Variants in RFX3 observed in about 807,000 individuals in gnomAD.
The protein encoded by RFX3 is transcription factor RFX3.
RFX3 carries 14 observed loss-of-function variants against 98.6 expected under a neutral mutation model. The ratio of observed to expected loss-of-function variants is 0.14; its 90% CI spans 0.09 to 0.22. RFX3 has a LOEUF of 0.22. Ranked by LOEUF, RFX3 falls within the 10% of genes least tolerant of loss-of-function variation. RFX3 has a pLI of 1.00. For missense variants in RFX3, 639 were observed against 926.9 expected, an observed-to-expected ratio of 0.69 and a Z score of 4.03; for synonymous variants, 383 against 328.4, an observed-to-expected ratio of 1.17 and a Z score of -1.80.
intron 1 of RFX3, chr9:3,469,291 ATTTTC>A: frequency 3.1e-6 from 1 of 320,950 alleles, no homozygotes; most frequent in Non-Finnish European, 6.4e-6. Flanking sequence ...CATATACATT[ATTTTC>A]TTTACCTACC....
intron 4 of RFX3, among the ~76,000 whole-genome samples, chr9:3,321,696 T>C (rs545789614): frequency 6.6e-6 from 1 of 152,216 alleles, no homozygotes; most frequent in African/African-American, 2.4e-5. Context: ...TGTTTTCACC[T>C]TTACATAACT....
At chr9:3,420,115 T>G (rs897198335) in intron 1 of RFX3, among the ~76,000 whole-genome samples, 4 of 152,188 alleles carry the variant, frequency 2.6e-5, no homozygotes. Context: ...CCTCCCAGCC[T>G]CCGACCATCC....
At chr9:3,329,205 G>C (rs922811781) in intron 4 of RFX3, among the ~76,000 whole-genome samples, 2 of 151,774 alleles carry the variant, frequency 1.3e-5, no homozygotes, top group Non-Finnish European at 2.9e-5. Flanking sequence ...TCAGGAGTTC[G>C]AGACCAGCCT....
At chr9:3,440,707 G>C (rs1226999763) in intron 1 of RFX3, among the ~76,000 whole-genome samples, 1 of 152,110 alleles carries the variant, frequency 6.6e-6, no homozygotes, top group Admixed American at 6.6e-5. Flanking sequence ...ATCCCAATAG[G>C]CTTTTTCACA....
At chr9:3,348,351 A>C (rs2131189400) in intron 2 of RFX3, among the ~76,000 whole-genome samples, 1 of 152,242 alleles carries the variant, frequency 6.6e-6, no homozygotes, top group African/African-American at 2.4e-5. Context: ...TGCAATGTTA[A>C]GTTTCACTAG....
At chr9:3,241,260 T>C (rs1819886578) in intron 15 of RFX3, among the ~76,000 whole-genome samples, 1 of 150,806 alleles carries the variant, frequency 6.6e-6, no homozygotes, top group Non-Finnish European at 1.5e-5. Flanking sequence ...AGAAATCTAA[T>C]GTATCAATCA....
At chr9:3,342,611 A>G (rs1408596848) in intron 3 of RFX3, among the ~76,000 whole-genome samples, 1 of 152,152 alleles carries the variant, frequency 6.6e-6, no homozygotes, top group Non-Finnish European at 1.5e-5. Context: ...ATGATGTAGG[A>G]GCGAGTGGGG....
intron 1 of RFX3, among the ~76,000 whole-genome samples, chr9:3,469,849 A>T (rs1177287954): frequency 6.6e-6 from 1 of 151,714 alleles, no homozygotes; most frequent in South Asian, 2.1e-4. Context: ...CCGTCTCAAA[A>T]AAAAAAAAAA....
intron 2 of RFX3, among the ~76,000 whole-genome samples, chr9:3,384,494 C>G (rs941110973): frequency 6.6e-6 from 1 of 152,068 alleles, no homozygotes; most frequent in Non-Finnish European, 1.5e-5. Flanking sequence ...TTTCCTCGCC[C>G]ATAAAAGGCA....
chr9:3,286,081 T>G (rs1826558858), intron 7 of RFX3, among the ~76,000 whole-genome samples: 1 of 151,866 alleles, frequency 6.6e-6, no homozygotes, highest in Admixed American at 6.6e-5. Context: ...TATAATTTAT[T>G]AAGTTTTTAT....
At chr9:3,501,854 GC>G in intron 1 of RFX3, among the ~76,000 whole-genome samples, 1 of 151,740 alleles carries the variant, frequency 6.6e-6, no homozygotes, top group South Asian at 2.1e-4. Flanking sequence ...ACCGTGCCCT[GC>G]CCAAAGAAAT....
At chr9:3,352,356 C>G (rs1380527388) in intron 2 of RFX3, among the ~76,000 whole-genome samples, 3 of 151,868 alleles carry the variant, frequency 2.0e-5, no homozygotes, top group African/African-American at 7.2e-5. Flanking sequence ...AATGGTAACT[C>G]TGCTGAGTGA....
At chr9:3,313,860 A>C (rs143040997) in intron 4 of RFX3, among the ~76,000 whole-genome samples, 1 of 152,352 alleles carries the variant, frequency 6.6e-6, no homozygotes, top group African/African-American at 2.4e-5. Flanking sequence ...CCTCCAAGAA[A>C]TATGGGACTA....
At chr9:3,287,419 G>A (rs1247342104) in intron 7 of RFX3, among the ~76,000 whole-genome samples, 1 of 152,036 alleles carries the variant, frequency 6.6e-6, no homozygotes, top group African/African-American at 2.4e-5. Context: ...TGTGACATAA[G>A]TCACATGGGA....
chr9:3,383,968 T>C (rs958221158), intron 2 of RFX3, among the ~76,000 whole-genome samples: 1 of 152,168 alleles, frequency 6.6e-6, no homozygotes, highest in Non-Finnish European at 1.5e-5. Flanking sequence ...AAAGTAAGTG[T>C]TCCATTAAAT....
intron 2 of RFX3, among the ~76,000 whole-genome samples, chr9:3,357,816 C>T (rs1423409984): frequency 1.3e-5 from 2 of 152,012 alleles, no homozygotes; most frequent in East Asian, 1.9e-4. Context: ...TGGTTCAGTA[C>T]ATATTGCATA....
intron 2 of RFX3, among the ~76,000 whole-genome samples, chr9:3,352,841 T>C (rs553450323): frequency 1.3e-5 from 2 of 152,006 alleles, no homozygotes; most frequent in Non-Finnish European, 2.9e-5. Context: ...TAGGACAGAA[T>C]GATGGTCTCA....
intron 4 of RFX3, among the ~76,000 whole-genome samples, chr9:3,309,263 C>G (rs1829694519): frequency 6.6e-6 from 1 of 151,992 alleles, no homozygotes; most frequent in Non-Finnish European, 1.5e-5. Context: ...TATTTCACAC[C>G]AGGGAGAAAA....
rs376433479 is a variant in RFX3, at chr9:3,369,860, T to C, written c.118-23096A>G. 1.8e-3 allele frequency among the ~76,000 whole-genome samples: 273 copies of C among 152,234 alleles called. 1 individual carries two copies. Among genetic ancestry groups the C allele is most frequent in the South Asian group, 9.1e-3 (44 of 4,820 alleles). The stretch of plus-strand genomic sequence containing the variant: ...TGTTTGTTTGTTTGACACGGAGTCT[T>C]GATCTGTCGCCCAGGCTGGAGTGCG... On this transcript the variant is annotated intron_variant, in intron 2 of 16. Transcript: ENST00000617270.
Sources: gnomAD v4.1 joint callset for allele counts (sites outside exome capture counted in the v4.1 genomes callset) on GRCh38, gnomAD v4.1.1 for gene constraint, MANE v1.5 for transcripts, NCBI Gene and HGNC (gene_info 2026-07-23, HGNC 2026-07-21) for gene names.